Variants in SCN10A observed in about 807,000 individuals in gnomAD.
The protein encoded by SCN10A is sodium channel protein type 10 subunit alpha.
Under a neutral mutation model 170.7 loss-of-function variants are expected in SCN10A, and 162 were observed. The observed-to-expected ratio is 0.95, with a 90% CI of 0.84 to 1.08. SCN10A has a LOEUF of 1.08. Among genes scored for constraint, SCN10A ranks in the 50% least tolerant of loss-of-function variants. SCN10A has a pLI of 0.00. For missense variants in SCN10A, 2,527 were observed against 2,436.9 expected (o/e 1.04, Z -0.78); for synonymous variants, 985 against 904.6 (o/e 1.09, Z -1.59).
chr3:38,718,785 T>C lies in SCN10A; in HGVS notation c.3549A>G (p.Lys1183=). The change falls in exon 21 of 28, where the codon AAA becomes AAG. Residue 1183 remains lysine (K), a synonymous_variant. Transcript: ENST00000449082. ...DYYLDQKPTV[K]ALLEYTDRVF... ...CCCTGTCAGTGTACTCCAGCAAAGC[T>C]TTCACCGTGGGCTTCTGGTCCAGGT... 6.2e-7 allele frequency: 1 copy of C among 1,614,208 alleles called. No homozygotes were observed. Among genetic ancestry groups the C allele is most frequent in the Non-Finnish European group, 8.5e-7 (1 of 1,180,018 alleles).
At chr3:38,774,713 A>G (rs941566151) in intron 4 of SCN10A, among the ~76,000 whole-genome samples, 1 of 152,140 alleles carries the variant, frequency 6.6e-6, no homozygotes, top group African/African-American at 2.4e-5. Context: ...AATTTAAAAC[A>G]TTTCATTCCT....
intron 13 of SCN10A, among the ~76,000 whole-genome samples, chr3:38,747,691 C>CA (rs2063705900): frequency 6.6e-6 from 1 of 152,212 alleles, no homozygotes; most frequent in Non-Finnish European, 1.5e-5. Flanking sequence ...CCATGACCTT[C>CA]TTTTGTCTTA....
chr3:38,748,246 AT>A (rs2063712913), intron 13 of SCN10A, among the ~76,000 whole-genome samples: 1 of 152,216 alleles, frequency 6.6e-6, no homozygotes, highest in African/African-American at 2.4e-5. Context: ...GTCAAATTCT[AT>A]GCCATGAAAA....
intron 15 of SCN10A, among the ~76,000 whole-genome samples, chr3:38,736,813 T>C (rs1270010924): frequency 6.7e-6 from 1 of 149,956 alleles, no homozygotes; most frequent in Non-Finnish European, 1.5e-5. Flanking sequence ...CAGGGTAGCA[T>C]TCCCCTGCAG....
chr3:38,796,663 T>C (rs2064343271), intron 1 of SCN10A, among the ~76,000 whole-genome samples: 1 of 152,178 alleles, frequency 6.6e-6, no homozygotes, highest in African/African-American at 2.4e-5. Context: ...TTGCCTAAAA[T>C]TATCTTTCCA....
chr3:38,768,063 C>T (rs2063953167), intron 5 of SCN10A, among the ~76,000 whole-genome samples: 1 of 152,006 alleles, frequency 6.6e-6, no homozygotes, highest in Non-Finnish European at 1.5e-5. Context: ...GCTACTCCTG[C>T]TTGCTTTTGG....
At chr3:38,761,118 T>A in intron 7 of SCN10A, 74 bp downstream of exon 7, 1 of 1,214,696 alleles carries the variant, frequency 8.2e-7, no homozygotes, top group Non-Finnish European at 1.2e-6. Context: ...ACACAGGGGC[T>A]CCATATCCCC....
chr3:38,750,531 G>C (rs1237594478), intron 12 of SCN10A, among the ~76,000 whole-genome samples: 4 of 152,210 alleles, frequency 2.6e-5, no homozygotes, highest in Non-Finnish European at 5.9e-5. Context: ...TGAGGACTAA[G>C]CAAATGATAC....
At position 38,752,501 on chromosome 3, in the gene SCN10A, G is replaced by A. The variant is rs778798631; in HGVS notation, c.1473C>T (p.Gly491=). 4.5e-5 allele frequency: 71 copies of A among 1,580,382 alleles called. 2 individuals carry two copies. In the South Asian group the frequency reaches 7.9e-4, roughly 18 times the overall value. The change falls in exon 12 of 28, where the codon GGC becomes GGT. Residue 491 remains glycine, a synonymous_variant. Coordinates refer to ENST00000449082, the MANE Select transcript of SCN10A (RefSeq NM_006514.4). Reference sequence around the variant, plus strand: ...TAGCCCGGCGTTTTCCAGAGGCGAGGCCTAGAAAAGACTGGGCATTGCCCC... The same window carrying A: ...TAGCCCGGCGTTTTCCAGAGGCGAGACCTAGAAAAGACTGGGCATTGCCCC... The part of the protein sequence containing the change: ...PYNQRRMSFL[G]LASGKRRASH...
At position 38,723,567 on chromosome 3, in the gene SCN10A, G is replaced by T. The variant is rs370279521; in HGVS notation, c.3229-14C>A. 2 of 1,573,514 alleles carry T rather than the reference G, an allele frequency of 1.3e-6. No individual in the cohort carries two copies. Among genetic ancestry groups the T allele is most frequent in the Non-Finnish European group, 1.7e-6 (2 of 1,158,524 alleles). ...GTCGTCCACTCCCTGCAGGGGAGAA[G>T]CCCAGGGCAGTGAACTCGTCTCTCC... On this transcript the variant is annotated splice_polypyrimidine_tract_variant and intron_variant, in intron 18 of 27. Transcript: ENST00000449082.
intron 5 of SCN10A, among the ~76,000 whole-genome samples, chr3:38,763,848 A>C (rs1005442570): frequency 1.3e-5 from 2 of 152,200 alleles, no homozygotes; most frequent in Non-Finnish European, 2.9e-5. Context: ...CTTCAAACAC[A>C]GGAGTTTGAC....
intron 16 of SCN10A, 24 bp downstream of exon 16, chr3:38,728,518 C>G: frequency 6.5e-7 from 1 of 1,531,832 alleles, no homozygotes; most frequent in Non-Finnish European, 8.8e-7. Context: ...GGAGACAGTG[C>G]CCCCAGCAGG....
chr3:38,719,629 A>AGG, intron 20 of SCN10A, among the ~76,000 whole-genome samples: 1 of 151,294 alleles, frequency 6.6e-6, no homozygotes, highest in East Asian at 1.9e-4. Flanking sequence ...TCCTGACCTC[A>AGG]TGATCCGCCC....
Position 38,698,567 on chromosome 3 carries a change from A to G in SCN10A, c.4658-5T>C, listed in dbSNP as rs1378443298. Reference sequence around the variant, plus strand: ...GAATTGCAGAAAAAATCAGGCCTTTAAAAGAAGGAAGAAATTATCTAATTA... The same window carrying G: ...GAATTGCAGAAAAAATCAGGCCTTTGAAAGAAGGAAGAAATTATCTAATTA... On this transcript the variant is annotated splice_region_variant and splice_polypyrimidine_tract_variant and intron_variant, in intron 27 of 27. Transcript: ENST00000449082. 5 of 1,608,888 alleles carry G rather than the reference A, an allele frequency of 3.1e-6. No individual in the cohort carries two copies. The South Asian group carries it at 5.5e-5, about 18-fold the overall frequency.
intron 11 of SCN10A, among the ~76,000 whole-genome samples, chr3:38,754,830 A>G (rs2063785560): frequency 6.6e-6 from 1 of 152,120 alleles, no homozygotes; most frequent in Non-Finnish European, 1.5e-5. Flanking sequence ...AGGAAAAGAG[A>G]TTGAGAGGGA....
intron 4 of SCN10A, among the ~76,000 whole-genome samples, chr3:38,781,982 A>T (rs2064144152): frequency 6.6e-6 from 1 of 152,060 alleles, no homozygotes; most frequent in Non-Finnish European, 1.5e-5. Flanking sequence ...AATTATAATT[A>T]AAACCGTGTA....
intron 1 of SCN10A, among the ~76,000 whole-genome samples, chr3:38,811,486 T>G (rs1483490895): frequency 6.6e-6 from 1 of 151,224 alleles, no homozygotes; most frequent in Non-Finnish European, 1.5e-5. Flanking sequence ...GAAGTAGTCA[T>G]GAAAATTAAA....
At chr3:38,763,790 C>T (rs993919152) in intron 5 of SCN10A, among the ~76,000 whole-genome samples, 194 bp from the exon 6 acceptor site, 7 of 152,194 alleles carry the variant, frequency 4.6e-5, no homozygotes, top group Non-Finnish European at 7.3e-5. Flanking sequence ...AGAGTGGACC[C>T]TTTGAGAAGA....
At chr3:38,707,065 G>A (rs1010817912) in intron 26 of SCN10A, among the ~76,000 whole-genome samples, 1 of 152,166 alleles carries the variant, frequency 6.6e-6, no homozygotes, top group Non-Finnish European at 1.5e-5. Context: ...ATTTCAAATA[G>A]CTGTAAAAGG....
Sources: allele counts gnomAD v4.1 joint callset (sites outside exome capture counted in the v4.1 genomes callset), GRCh38; gene constraint gnomAD v4.1.1; transcripts MANE v1.5; gene names NCBI Gene and HGNC (gene_info 2026-07-23, HGNC 2026-07-21).